CEP95: variants seen among roughly 807,000 people sequenced by gnomAD.
CEP95 encodes the protein centrosomal protein of 95 kDa.
A neutral mutation model predicts 111.2 loss-of-function variants in CEP95; 98 were observed. The observed-to-expected ratio is 0.88, with a 90% CI of 0.75 to 1.04. The LOEUF (loss-of-function observed/expected upper bound fraction) is 1.04, where lower values mean the gene tolerates loss of function less well. CEP95 is among the 50% of genes least tolerant of loss of function. The pLI is 0.00. For synonymous variants in CEP95, 323 were observed against 327.1 expected (o/e 0.99, Z 0.14); for missense variants, 1,027 against 977.2 (o/e 1.05, Z -0.68).
rs782432617 is a variant in CEP95, at chr17:64,522,796, A to G, written c.810A>G (p.Ser270=). ...AIPLHPPYHP[S]EPRAPCPIGK... ...CTTTACATCCACCCTACCACCCTTC[A>G]GAGCCTCGAGCACCCTGCCCCATAG... The change falls in exon 8 of 20, where the codon TCA becomes TCG. Residue 270 remains serine (S), a synonymous_variant. Coordinates refer to ENST00000556440, the MANE Select transcript of CEP95 (RefSeq NM_138363.3). 7 of 1,613,924 alleles carry G rather than the reference A, an allele frequency of 4.3e-6. No individual in the cohort carries two copies. Among genetic ancestry groups the G allele is most frequent in the Non-Finnish European group, 5.9e-6 (7 of 1,179,854 alleles).
At chr17:64,537,192 G>A (rs961243081) in intron 19 of CEP95, 80 bp downstream of exon 19, 29 of 1,559,112 alleles carry the variant, frequency 1.9e-5, no homozygotes, top group Middle Eastern at 1.7e-4. Flanking sequence ...ATTGGTGGTT[G>A]GAGCAATAGG....
chr17:64,531,890 GA>G lies in CEP95; in HGVS notation c.1546del (p.Ile516TyrfsTer30). ...LRIHEKEEET[E>X]KIYRGEAVRK... ...ATTCTGTTTTATATCTGCTTCTAAG[GA>G]AAAAATATACAGAGGAGAAGCTGTT... On this transcript the variant is annotated frameshift_variant and splice_region_variant, in exon 14 of 20. Transcript: ENST00000556440. LOFTEE classifies it high-confidence loss of function. 1 of 1,558,336 alleles carries G rather than the reference GA, an allele frequency of 6.4e-7. No individual in the cohort carries two copies. The highest frequency in any genetic ancestry group is 2.3e-5 in the East Asian group (1 of 43,388).
At chr17:64,511,698 G>A (rs1555675105) in intron 3 of CEP95, among the ~76,000 whole-genome samples, 1 of 152,192 alleles carries the variant, frequency 6.6e-6, no homozygotes, top group East Asian at 1.9e-4. Flanking sequence ...AGGATTAAGA[G>A]ATTAAAGTGA....
intron 10 of CEP95, among the ~76,000 whole-genome samples, chr17:64,526,502 G>A (rs556794651): frequency 3.1e-4 from 47 of 152,178 alleles, no homozygotes; most frequent in African/African-American, 1.1e-3. Context: ...CCCCTTTGCC[G>A]CTAAAGACAG....
chr17:64,529,116 C>T (rs1218843080), intron 11 of CEP95, among the ~76,000 whole-genome samples, 172 bp from the exon 12 acceptor site: 5 of 152,198 alleles, frequency 3.3e-5, no homozygotes, highest in African/African-American at 1.2e-4. Context: ...CATTTGTATG[C>T]ATTTGTCTGT....
intron 19 of CEP95, 98 bp downstream of exon 19, chr17:64,537,210 A>G (rs1968719869): frequency 6.5e-7 from 1 of 1,533,780 alleles, no homozygotes; most frequent in African/African-American, 1.4e-5. Flanking sequence ...AGGCTGTATC[A>G]TATAGCCCCG....
chr17:64,517,601 T>C (rs1160850165), intron 5 of CEP95, among the ~76,000 whole-genome samples: 1 of 151,958 alleles, frequency 6.6e-6, no homozygotes, highest in Admixed American at 6.6e-5. Context: ...TGGAGTACAG[T>C]GGCGTGATCA....
Position 64,531,023 on chromosome 17 carries a change from G to C in CEP95, c.1539+5G>C, listed in dbSNP as rs1555680194. On this transcript the variant is annotated splice_donor_5th_base_variant and intron_variant, in intron 13 of 19. Coordinates refer to ENST00000556440, the MANE Select transcript of CEP95 (RefSeq NM_138363.3). ...CATGAGAAGGAGGAGGAAACAGTGG[G>C]TAAAAGTCTCCACTGTAATAAATGC... is the stretch of plus-strand genomic sequence containing the variant. 2 of 1,482,866 alleles carry C rather than the reference G, an allele frequency of 1.3e-6. No homozygotes were observed. The highest frequency in any genetic ancestry group is 2.8e-5 in the African/African-American group (2 of 71,714). The allele number at this position is 1,482,866 out of a possible 1,614,324, so 91.9% of individuals were successfully genotyped here. A position where few individuals can be genotyped will look rare whatever the true frequency, so the allele number is the denominator to read the frequency against.
chr17:64,524,782 C>T (rs898020083), intron 8 of CEP95, among the ~76,000 whole-genome samples: 34 of 151,162 alleles, frequency 2.2e-4, no homozygotes, highest in African/African-American at 8.0e-4. Context: ...ACCAGCCTGG[C>T]CAAGATGGTG....
Position 64,521,391 on chromosome 17 carries a change from T to G in CEP95, c.590-11T>G. 6.3e-7 allele frequency: 1 copy of G among 1,597,448 alleles called. No homozygotes were observed. ...AGTTAAAAATTTTACCTTTAATATT[T>G]TCTTTCCTAGGTGCTCAATGTCCTA... On this transcript the variant is annotated splice_polypyrimidine_tract_variant and intron_variant, in intron 6 of 19. Coordinates refer to ENST00000556440, the MANE Select transcript of CEP95 (RefSeq NM_138363.3).
Position 64,537,693 on chromosome 17 carries a change from G to A in CEP95, c.2380G>A (p.Val794Ile), listed in dbSNP as rs782819510. ...QDMITQNDDDVFFRELEAERF... is the reference protein window; with the variant it reads ...QDMITQNDDDIFFRELEAERF... Reference sequence around the variant, plus strand: ...CATGATAACACAGAATGATGATGATGTTTTCTTCCGGGAACTGGAAGCTGA... The same window carrying A: ...CATGATAACACAGAATGATGATGATATTTTCTTCCGGGAACTGGAAGCTGA... Residue 794 changes from valine (V) to isoleucine (I), a missense_variant, in exon 20 of 20, where the codon GTT becomes ATT. Transcript: ENST00000556440. 4.3e-6 allele frequency: 7 copies of A among 1,613,472 alleles called. No individual in the cohort carries two copies. The highest frequency in any genetic ancestry group is 5.9e-6 in the Non-Finnish European group (7 of 1,179,674).
chr17:64,527,866 G>GTATATATATA (rs1356812031), intron 11 of CEP95, among the ~76,000 whole-genome samples: 4 of 124,262 alleles, frequency 3.2e-5, no homozygotes, highest in African/African-American at 1.2e-4. Flanking sequence ...GTGTGTGTGT[G>GTATATATATA]TGTGTATATA....
chr17:64,532,643 T>C, intron 14 of CEP95, 196 bp from the exon 15 acceptor site: 3 of 1,395,062 alleles, frequency 2.2e-6, no homozygotes, highest in Non-Finnish European at 2.8e-6. Flanking sequence ...TCCAGAACTA[T>C]TGAGCTTATT....
intron 5 of CEP95, 51 bp downstream of exon 5, chr17:64,516,879 C>A: frequency 1.8e-6 from 2 of 1,109,710 alleles, no homozygotes; most frequent in Non-Finnish European, 2.7e-6. Flanking sequence ...GCTTTTTGGA[C>A]TAAGAATTAA....
At chr17:64,518,024 A>T (rs1318294545) in intron 5 of CEP95, among the ~76,000 whole-genome samples, 3 of 151,880 alleles carry the variant, frequency 2.0e-5, no homozygotes, top group Non-Finnish European at 4.4e-5. Context: ...CTACAGGTGC[A>T]CGCCGCCACG....
At chr17:64,535,024 G>C (rs1226008173) in intron 17 of CEP95, 3 of 387,812 alleles carry the variant, frequency 7.7e-6, no homozygotes, top group Non-Finnish European at 1.5e-5. Context: ...TTAGAGGTTT[G>C]GGAACATGTG....
intron 8 of CEP95, among the ~76,000 whole-genome samples, chr17:64,525,465 A>G (rs918934895): frequency 6.6e-6 from 1 of 152,216 alleles, no homozygotes; most frequent in Admixed American, 6.5e-5. Flanking sequence ...TGTACTAGTG[A>G]TAATTTTTTT....
In CEP95 at chr17:64,534,724, C is replaced by T; in HGVS notation, c.2057C>T (p.Thr686Ile). The T allele has an allele frequency of 6.2e-7, 1 of 1,611,806 alleles. No individual in the cohort carries two copies. Among genetic ancestry groups the T allele is most frequent in the Non-Finnish European group, 8.5e-7 (1 of 1,178,866 alleles). ...QLCAKMMRMR[T>I]REEMIFKKLF... ...TGTGCAAAAATGATGAGAATGAGGA[C>T]CCGGGAAGAAATGGTAAGTCTGACT... The change falls in exon 17 of 20, where the codon ACC becomes ATC. Residue 686 changes from threonine to isoleucine, a missense_variant. Physicochemically the swap from Thr to Ile is moderately conservative, Grantham distance 89. Transcript: ENST00000556440.
chr17:64,517,320 T>A (rs1246753329), intron 5 of CEP95, among the ~76,000 whole-genome samples: 1 of 152,214 alleles, frequency 6.6e-6, no homozygotes, highest in Non-Finnish European at 1.5e-5. Context: ...GTGCTGGGAT[T>A]ACAGGCATGA....
Sources: gnomAD v4.1 joint callset for allele counts (sites outside exome capture counted in the v4.1 genomes callset) on GRCh38, gnomAD v4.1.1 for gene constraint, MANE v1.5 for transcripts, NCBI Gene and HGNC (gene_info 2026-07-23, HGNC 2026-07-21) for gene names.